Variants in ZEB1 observed in about 807,000 individuals in gnomAD.
ZEB1 encodes the protein zinc finger E-box-binding homeobox 1.
In ZEB1, 21 loss-of-function variants were observed where a neutral mutation model predicts 84.9. The observed-to-expected ratio is 0.25, with a 90% CI of 0.18 to 0.36. The LOEUF (loss-of-function observed/expected upper bound fraction) is 0.36. Among genes scored for constraint, ZEB1 ranks in the 10% least tolerant of loss-of-function variants. The pLI is 1.00. For missense variants in ZEB1, 1,104 were observed against 1,330.2 expected, an observed-to-expected ratio of 0.83 and a Z score of 2.65; for synonymous variants, 420 against 471.1, an observed-to-expected ratio of 0.89 and a Z score of 1.41.
At position 31,440,775 on chromosome 10, in the gene ZEB1, A is replaced by G. The variant is rs28827313; in HGVS notation, c.59-20262A>G. On this transcript the variant is annotated intron_variant, in intron 1 of 8. Transcript: ENST00000424869. The stretch of plus-strand genomic sequence containing the variant: ...TATACACCAATAACAGACAAACAGA[A>G]AGCCAAATCATGAGTGAACCCCCAT... 3.3e-3 allele frequency among the ~76,000 whole-genome samples: 497 copies of G among 152,248 alleles called. 1 individual carries two copies. The highest frequency in any genetic ancestry group is 0.012 in the African/African-American group (484 of 41,558).
chr10:31,462,488 A>G (rs1160658030), intron 2 of ZEB1, among the ~76,000 whole-genome samples: 1 of 152,186 alleles, frequency 6.6e-6, no homozygotes, highest in Non-Finnish European at 1.5e-5. Context: ...GAATTAGAGA[A>G]GGAAGGAGAA....
At chr10:31,440,035 G>A (rs145555196) in intron 1 of ZEB1, among the ~76,000 whole-genome samples, 1 of 152,168 alleles carries the variant, frequency 6.6e-6, no homozygotes, top group Non-Finnish European at 1.5e-5. Context: ...AGAGATGATG[G>A]TACCATCAGG....
chr10:31,356,523 A>G (rs954690044), intron 1 of ZEB1, among the ~76,000 whole-genome samples: 1 of 152,042 alleles, frequency 6.6e-6, no homozygotes, highest in Non-Finnish European at 1.5e-5. Flanking sequence ...CACTTTTTTC[A>G]TGATTATTCA....
chr10:31,323,291 A>G (rs1328112782), intron 1 of ZEB1, among the ~76,000 whole-genome samples: 1 of 152,128 alleles, frequency 6.6e-6, no homozygotes, highest in East Asian at 1.9e-4. Context: ...CTTAAAATAT[A>G]TATTTTAGAT....
intron 4 of ZEB1, among the ~76,000 whole-genome samples, chr10:31,509,189 A>G (rs868311731): frequency 6.6e-6 from 1 of 152,066 alleles, no homozygotes. Context: ...CTTAGAACTC[A>G]GGGGGTGTAC....
intron 1 of ZEB1, among the ~76,000 whole-genome samples, chr10:31,333,268 T>C (rs1235501577): frequency 6.6e-6 from 1 of 152,182 alleles, no homozygotes. Flanking sequence ...TGGGAATTGC[T>C]ATATATCTTT....
intron 1 of ZEB1, among the ~76,000 whole-genome samples, chr10:31,427,717 G>C (rs1055281700): frequency 3.3e-5 from 5 of 152,058 alleles, no homozygotes; most frequent in Non-Finnish European, 7.4e-5. Flanking sequence ...AAATTAGCCG[G>C]GCGTGGTGGC....
At chr10:31,478,059 G>A (rs1474334463) in intron 2 of ZEB1, among the ~76,000 whole-genome samples, 1 of 151,866 alleles carries the variant, frequency 6.6e-6, no homozygotes, top group Non-Finnish European at 1.5e-5. Context: ...AGAAATAACA[G>A]AGTAAGCAGA....
At chr10:31,451,478 A>G (rs975865761) in intron 1 of ZEB1, among the ~76,000 whole-genome samples, 2 of 152,178 alleles carry the variant, frequency 1.3e-5, no homozygotes, top group African/African-American at 4.8e-5. Flanking sequence ...CTTCACACTT[A>G]GATTTCGTCA....
chr10:31,484,902 A>G (rs2065519326), intron 2 of ZEB1, among the ~76,000 whole-genome samples: 2 of 151,952 alleles, frequency 1.3e-5, no homozygotes, highest in African/African-American at 4.8e-5. Context: ...ATGTAATCCA[A>G]TGACATACAT....
At chr10:31,480,492 G>T (rs1030968114) in intron 2 of ZEB1, among the ~76,000 whole-genome samples, 5 of 152,016 alleles carry the variant, frequency 3.3e-5, no homozygotes, top group African/African-American at 1.2e-4. Context: ...TCTAGTCTTC[G>T]CTGTACCATC....
chr10:31,492,060 G>A (rs905711895), intron 2 of ZEB1, among the ~76,000 whole-genome samples: 5 of 151,890 alleles, frequency 3.3e-5, no homozygotes, highest in African/African-American at 7.3e-5. Flanking sequence ...CTGGCTCAGC[G>A]ATGACTTACA....
intron 1 of ZEB1, among the ~76,000 whole-genome samples, chr10:31,448,808 C>G (rs976708700): frequency 1.3e-5 from 2 of 152,132 alleles, no homozygotes; most frequent in Admixed American, 1.3e-4. Flanking sequence ...AACCACTGCT[C>G]TCTTCAAAGC....
rs1014861694 is a variant in ZEB1, at chr10:31,432,369, G to A, written c.59-28668G>A. On this transcript the variant is annotated intron_variant, in intron 1 of 8. Transcript: ENST00000424869. ...TTTGGGAGGCCAAGGCAGGTGGATT[G>A]CTTAAGCCCAGGAGTTTGAGACTAG... 9.3e-4 allele frequency among the ~76,000 whole-genome samples: 142 copies of A among 152,300 alleles called. 2 individuals carry two copies. The highest frequency in any genetic ancestry group is 3.3e-3 in the African/African-American group (139 of 41,566).
At chr10:31,399,285 G>A (rs1225374488) in intron 1 of ZEB1, among the ~76,000 whole-genome samples, 4 of 152,036 alleles carry the variant, frequency 2.6e-5, no homozygotes, top group Non-Finnish European at 4.4e-5. Flanking sequence ...GTGAGCCTCC[G>A]TGCCTGGCCC....
At chr10:31,437,041 AT>A (rs34449045) in intron 1 of ZEB1, among the ~76,000 whole-genome samples, 1 of 152,152 alleles carries the variant, frequency 6.6e-6, no homozygotes, top group Non-Finnish European at 1.5e-5. Flanking sequence ...AAACATCAGG[AT>A]TTTTTGGTAC....
chr10:31,326,781 A>G (rs553446354), intron 1 of ZEB1, among the ~76,000 whole-genome samples: 8 of 152,360 alleles, frequency 5.3e-5, no homozygotes, highest in Admixed American at 1.3e-4. Flanking sequence ...CTCAAAGGCA[A>G]GTTCTAATAC....
At chr10:31,400,136 T>A (rs1225954550) in intron 1 of ZEB1, among the ~76,000 whole-genome samples, 1 of 152,196 alleles carries the variant, frequency 6.6e-6, no homozygotes, top group Non-Finnish European at 1.5e-5. Flanking sequence ...CCATATATTT[T>A]ACCTACTTTT....
chr10:31,453,407 T>C (rs577820056), intron 1 of ZEB1, among the ~76,000 whole-genome samples: 2 of 152,324 alleles, frequency 1.3e-5, no homozygotes, highest in East Asian at 1.9e-4. Context: ...TGAGATTCTT[T>C]ATGAAGCATT....
Sources: gnomAD v4.1 joint callset for allele counts (sites outside exome capture counted in the v4.1 genomes callset) on GRCh38, gnomAD v4.1.1 for gene constraint, MANE v1.5 for transcripts, NCBI Gene and HGNC (gene_info 2026-07-23, HGNC 2026-07-21) for gene names.